Variants in DPP6 observed in about 807,000 individuals in gnomAD.
DPP6 encodes the protein A-type potassium channel modulatory protein DPP6.
DPP6 carries 69 observed loss-of-function variants against 122.6 expected under a neutral mutation model. The observed-to-expected ratio is 0.56, with a 90% CI of 0.46 to 0.69. The LOEUF is 0.69. Among genes scored for constraint, DPP6 ranks in the 30% least tolerant of loss-of-function variants. The pLI is 0.00. For synonymous variants in DPP6, 418 were observed against 433.1 expected, an observed-to-expected ratio of 0.97 and a Z score of 0.43; for missense variants, 928 against 1,116.9, an observed-to-expected ratio of 0.83 and a Z score of 2.41.
intron 1 of DPP6, among the ~76,000 whole-genome samples, chr7:153,908,720 A>G (rs958509821): frequency 2.0e-5 from 3 of 152,178 alleles, no homozygotes; most frequent in East Asian, 1.9e-4. Flanking sequence ...TTTTTTGTGA[A>G]TGAAAATATG....
chr7:154,120,444 C>T (rs1329170210), intron 1 of DPP6, among the ~76,000 whole-genome samples: 2 of 152,036 alleles, frequency 1.3e-5, no homozygotes, highest in East Asian at 3.9e-4. Context: ...CGGGGTTTCA[C>T]CATGTTAGCC....
the DPP6 span, among the ~76,000 whole-genome samples, chr7:153,802,963 C>T: frequency 6.6e-6 from 1 of 151,916 alleles, no homozygotes; most frequent in Non-Finnish European, 1.5e-5. Flanking sequence ...CTCTGATATG[C>T]TCAGCCCGGC....
chr7:154,088,331 G>A (rs1293788137), intron 1 of DPP6, among the ~76,000 whole-genome samples: 2 of 144,454 alleles, frequency 1.4e-5, no homozygotes, highest in Admixed American at 6.7e-5. Context: ...GATGCCTGCC[G>A]TTTTCCCTGA....
intron 7 of DPP6, among the ~76,000 whole-genome samples, chr7:154,685,164 T>C (rs1839522329): frequency 6.6e-6 from 1 of 152,206 alleles, no homozygotes. Context: ...AAGCAGCTGC[T>C]CAGCTGGCCT....
intron 1 of DPP6, among the ~76,000 whole-genome samples, chr7:153,949,417 A>G (rs1166346171): frequency 1.3e-5 from 2 of 152,102 alleles, no homozygotes; most frequent in Non-Finnish European, 2.9e-5. Flanking sequence ...TGACTCAATC[A>G]AGGGCTTGCA....
chr7:154,809,484 A>G (rs1356561708), intron 16 of DPP6, among the ~76,000 whole-genome samples: 2 of 152,220 alleles, frequency 1.3e-5, no homozygotes, highest in African/African-American at 4.8e-5. Context: ...TGTTAAAGAA[A>G]GAATTCTGGA....
chr7:154,590,777 G>A (rs191463381), intron 5 of DPP6, among the ~76,000 whole-genome samples: 8 of 150,498 alleles, frequency 5.3e-5, no homozygotes, highest in Non-Finnish European at 1.2e-4. Context: ...CAGGTGATCC[G>A]CTCACCTTGG....
chr7:153,838,283 C>CA, the DPP6 span, among the ~76,000 whole-genome samples: 1 of 152,232 alleles, frequency 6.6e-6, no homozygotes, highest in South Asian at 2.1e-4. Context: ...TCCACAGCCA[C>CA]AAACCCAGTG....
exon 1 of DPP6, chr7:153,887,544 A>C: frequency 1.1e-6 from 1 of 929,490 alleles, no homozygotes; most frequent in Admixed American, 2.1e-5. Flanking sequence ...AGAAAACTGA[A>C]GACCTGGAAG....
chr7:153,962,289 T>C (rs935832143), intron 1 of DPP6, among the ~76,000 whole-genome samples: 31 of 152,156 alleles, frequency 2.0e-4, no homozygotes, highest in African/African-American at 5.8e-4. Context: ...TTTAAATCCT[T>C]ATCCTATTTG....
chr7:154,121,591 A>G (rs1030401339), intron 1 of DPP6, among the ~76,000 whole-genome samples: 4 of 152,108 alleles, frequency 2.6e-5, no homozygotes, highest in Non-Finnish European at 5.9e-5. Flanking sequence ...CCAGTTTTCC[A>G]TCTGTTACTG....
At chr7:153,953,659 C>T (rs911782642) in intron 1 of DPP6, among the ~76,000 whole-genome samples, 2 of 152,178 alleles carry the variant, frequency 1.3e-5, no homozygotes, top group African/African-American at 4.8e-5. Context: ...ATCACCTGAT[C>T]ACCTGGATTA....
intron 1 of DPP6, chr7:154,305,646 G>T: frequency 1.3e-6 from 2 of 1,488,980 alleles, no homozygotes; most frequent in South Asian, 1.3e-5. Context: ...CAGAGAGGGA[G>T]GATATGTATT....
intron 1 of DPP6, among the ~76,000 whole-genome samples, chr7:154,438,817 G>A (rs1314162809): frequency 2.6e-5 from 4 of 152,230 alleles, no homozygotes; most frequent in Admixed American, 6.5e-5. Context: ...AGCCAAGAAC[G>A]ACTTGGAATA....
At chr7:154,830,889 G>C (rs1800577126) in intron 16 of DPP6, among the ~76,000 whole-genome samples, 1 of 152,202 alleles carries the variant, frequency 6.6e-6, no homozygotes, top group Non-Finnish European at 1.5e-5. Context: ...CCAGGCTTAA[G>C]ATCCCTTTGG....
chr7:154,553,855 A>T (rs1240686095), intron 4 of DPP6, among the ~76,000 whole-genome samples: 2 of 151,532 alleles, frequency 1.3e-5, no homozygotes, highest in Middle Eastern at 3.4e-3. Context: ...ATTTGCCCTA[A>T]AATGAAGACT....
chr7:154,181,312 C>A (rs894053741), intron 1 of DPP6, among the ~76,000 whole-genome samples: 1 of 152,162 alleles, frequency 6.6e-6, no homozygotes, highest in Non-Finnish European at 1.5e-5. Context: ...ACACTACTGT[C>A]CAGAGAGTGG....
intron 20 of DPP6, among the ~76,000 whole-genome samples, chr7:154,878,975 T>C (rs1474319867): frequency 6.6e-6 from 1 of 152,178 alleles, no homozygotes; most frequent in Non-Finnish European, 1.5e-5. Context: ...ACCTGCTAAG[T>C]GAAAGATACT....
chr7:154,690,846 GCAA>G (rs1208009295), intron 7 of DPP6, among the ~76,000 whole-genome samples: 2 of 152,142 alleles, frequency 1.3e-5, no homozygotes, highest in Non-Finnish European at 2.9e-5. Flanking sequence ...CCCCATCCAT[GCAA>G]CAAGTCTTCA....
Sources: gnomAD v4.1 joint callset for allele counts (sites outside exome capture counted in the v4.1 genomes callset) on GRCh38, gnomAD v4.1.1 for gene constraint, MANE v1.5 for transcripts, NCBI Gene and HGNC (gene_info 2026-07-23, HGNC 2026-07-21) for gene names.